Variants in ODAD4 observed in about 807,000 individuals in gnomAD.
ODAD4 encodes the protein outer dynein arm-docking complex subunit 4.
Under a neutral mutation model 51.8 loss-of-function variants are expected in ODAD4, and 49 were observed. The ratio of observed to expected loss-of-function variants is 0.95; its 90% CI spans 0.75 to 1.20. The LOEUF is 1.20. ODAD4 is among the 50% of genes most tolerant of loss of function. ODAD4 has a pLI of 0.00. For missense variants in ODAD4, 590 were observed against 586.5 expected, an observed-to-expected ratio of 1.01 and a Z score of -0.06; for synonymous variants, 235 against 221.3, an observed-to-expected ratio of 1.06 and a Z score of -0.55.
rs2050886393 is a variant in ODAD4 at position 41,966,303 on chromosome 17, GC to G, written c.*821del. 6.6e-6 allele frequency among the ~76,000 whole-genome samples: 1 copy of G among 152,186 alleles called. No individual in the cohort carries two copies. On this transcript the variant is annotated 3_prime_UTR_variant, in exon 12 of 12. Transcript: ENST00000377540. ...ACAGCTCCTAGAAGGAAAGGTCGGG[GC>G]TGAGACTGACTTTCGGCTGGCACAG...
intron 7 of ODAD4, among the ~76,000 whole-genome samples, chr17:41,943,780 G>A (rs1329515836): frequency 6.6e-6 from 1 of 152,156 alleles, no homozygotes; most frequent in African/African-American, 2.4e-5. Context: ...AACAGCCTGG[G>A]CAAATTAGTC....
intron 1 of ODAD4, among the ~76,000 whole-genome samples, chr17:41,933,513 G>A (rs958138797): frequency 3.9e-5 from 6 of 152,074 alleles, no homozygotes; most frequent in African/African-American, 7.2e-5. Flanking sequence ...TCAACCGGAC[G>A]TGGTGGCGAG....
intron 8 of ODAD4, among the ~76,000 whole-genome samples, chr17:41,948,360 A>G (rs2050613945): frequency 7.1e-6 from 1 of 141,442 alleles, no homozygotes; most frequent in African/African-American, 2.7e-5. Flanking sequence ...TTTGTCACCC[A>G]GGTGGGAGTG....
Position 41,934,038 on chromosome 17 carries a change from C to CTTTTTT in ODAD4, c.115-1163_115-1158dup, listed in dbSNP as rs782039270. ...CCCTTTCTTTCTTTTTTCTTTCTTT[C>CTTTTTT]TTTTTTTTTTTTTTTTTTTTTGAGA... is the stretch of plus-strand genomic sequence containing the variant. On this transcript the variant is annotated intron_variant, in intron 1 of 11. Coordinates refer to ENST00000377540, the MANE Select transcript of ODAD4 (RefSeq NM_031421.5). Among the ~76,000 whole-genome samples, 128 of 65,500 alleles carry CTTTTTT rather than the reference C, an allele frequency of 2.0e-3. 1 individual carries two copies. Among genetic ancestry groups the CTTTTTT allele is most frequent in the East Asian group, 3.0e-3 (6 of 2,028 alleles). 43.0% of individuals were successfully genotyped at this position (65,500 alleles called of 152,430 possible).
chr17:41,958,361 T>TA (rs782094284), intron 10 of ODAD4, among the ~76,000 whole-genome samples: 1 of 152,116 alleles, frequency 6.6e-6, no homozygotes, highest in Non-Finnish European at 1.5e-5. Flanking sequence ...CACGTGAGGC[T>TA]AAAGTTAATT....
chr17:41,947,092 C>A (rs1274153351), intron 8 of ODAD4, among the ~76,000 whole-genome samples: 1 of 151,476 alleles, frequency 6.6e-6, no homozygotes, highest in Non-Finnish European at 1.5e-5. Context: ...TCAGGTGATC[C>A]GCCCACCTCA....
Position 41,930,805 on chromosome 17 carries a change from G to T in ODAD4, c.82G>T (p.Glu28Ter). 1 of 1,571,964 alleles carries T rather than the reference G, an allele frequency of 6.4e-7. No homozygotes were observed. The highest frequency in any genetic ancestry group is 1.7e-4 in the Middle Eastern group (1 of 5,854). Reference protein sequence around the residue: ...AEGERLYLCGEFSKAAQSFSN... With the variant: ...AEGERLYLCG ...AGGCGAGCGGCTCTACCTGTGCGGG[G>T]AATTTTCTAAAGCCGCGCAGAGCTT... The change falls in exon 1 of 12, where the codon GAA becomes TAA. Residue 28 changes from glutamate (E) to a stop codon, truncating the protein, a stop_gained. Coordinates refer to ENST00000377540, the MANE Select transcript of ODAD4 (RefSeq NM_031421.5). LOFTEE classifies it high-confidence loss of function.
At chr17:41,942,480 G>A (rs868995200) in intron 7 of ODAD4, among the ~76,000 whole-genome samples, 39 of 152,318 alleles carry the variant, frequency 2.6e-4, no homozygotes, top group African/African-American at 8.9e-4. Context: ...TATGAAAAAT[G>A]GACATATTAC....
At chr17:41,944,990 C>G (rs2050566289) in intron 7 of ODAD4, 146 bp from the exon 8 acceptor site, 1 of 623,222 alleles carries the variant, frequency 1.6e-6, no homozygotes. Flanking sequence ...AGATGTGCCA[C>G]ATCCTTGCTG....
At chr17:41,964,448 T>A (rs2050847618) in intron 11 of ODAD4, among the ~76,000 whole-genome samples, 1 of 152,188 alleles carries the variant, frequency 6.6e-6, no homozygotes, top group African/African-American at 2.4e-5. Context: ...CTGGATGGGA[T>A]AAGCTATACA....
chr17:41,935,623 C>A lies in ODAD4; in HGVS notation c.271C>A (p.Leu91Met). The part of the protein sequence containing the change: ...CKGILQKAET[L>M]YTMGDFEFAL... ...GGGGATTTTGCAAAAGGCTGAGACA[C>A]TGTACACCATGGGAGACTTTGAGTT... Residue 91 changes from leucine (L) to methionine (M), a missense_variant, in exon 3 of 12, where the codon CTG becomes ATG. By Grantham distance (15) the Leu-to-Met change is conservative. This residue lies in a region of ODAD4 where 360 missense variants were observed against 407.5 expected (regional missense o/e 0.88). Coordinates refer to ENST00000377540, the MANE Select transcript of ODAD4 (RefSeq NM_031421.5). The A allele has an allele frequency of 6.2e-7, 1 of 1,613,070 alleles. No homozygotes were observed. Among genetic ancestry groups the A allele is most frequent in the Non-Finnish European group, 8.5e-7 (1 of 1,179,486 alleles).
chr17:41,951,015 G>A (rs1262567487), intron 9 of ODAD4, among the ~76,000 whole-genome samples: 1 of 151,008 alleles, frequency 6.6e-6, no homozygotes, highest in African/African-American at 2.4e-5. Flanking sequence ...CGGCCTCCAA[G>A]GGAACCTTTC....
At chr17:41,937,407 T>C (rs2050444078) in intron 5 of ODAD4, among the ~76,000 whole-genome samples, 2 of 152,216 alleles carry the variant, frequency 1.3e-5, no homozygotes, top group Admixed American at 1.3e-4. Context: ...GAAGGAACTT[T>C]CATAAGTTGA....
chr17:41,961,902 C>T (rs990717627), intron 11 of ODAD4, among the ~76,000 whole-genome samples: 2 of 152,116 alleles, frequency 1.3e-5, no homozygotes, highest in Non-Finnish European at 2.9e-5. Context: ...GTGCATGCAA[C>T]GGGGCGTGGG....
intron 10 of ODAD4, among the ~76,000 whole-genome samples, chr17:41,958,092 T>A (rs191056255): frequency 2.6e-5 from 4 of 152,318 alleles, no homozygotes; most frequent in Admixed American, 2.6e-4. Context: ...AGGTTTCTTA[T>A]GCCTCATAAC....
chr17:41,931,147 G>A (rs1346011975), intron 1 of ODAD4, among the ~76,000 whole-genome samples: 2 of 151,694 alleles, frequency 1.3e-5, no homozygotes, highest in Non-Finnish European at 2.9e-5. Context: ...CACCCGCTTC[G>A]GCCTCCCAAA....
At chr17:41,951,273 C>T (rs1228385035) in intron 9 of ODAD4, among the ~76,000 whole-genome samples, 3 of 149,380 alleles carry the variant, frequency 2.0e-5, no homozygotes, top group African/African-American at 7.4e-5. Context: ...TTAGTAGAGA[C>T]GGGATTTCAC....
intron 11 of ODAD4, among the ~76,000 whole-genome samples, chr17:41,963,471 A>G (rs2050832139): frequency 6.6e-6 from 1 of 152,234 alleles, no homozygotes; most frequent in Non-Finnish European, 1.5e-5. Context: ...TCCCAGGGAC[A>G]AAGAGAAAGT....
At chr17:41,943,656 G>A (rs1419979213) in intron 7 of ODAD4, among the ~76,000 whole-genome samples, 3 of 152,220 alleles carry the variant, frequency 2.0e-5, no homozygotes, top group South Asian at 2.1e-4. Context: ...CAGTTACTTC[G>A]GGCCATCTGG....
Sources: allele counts gnomAD v4.1 joint callset (sites outside exome capture counted in the v4.1 genomes callset), GRCh38; gene constraint gnomAD v4.1.1; regional missense constraint gnomAD v4.1.1; transcripts MANE v1.5; gene names NCBI Gene and HGNC (gene_info 2026-07-23, HGNC 2026-07-21).